The following PLEKHH2 variants were observed in gnomAD, a reference collection of about 807,000 sequenced individuals.
The protein encoded by PLEKHH2 is pleckstrin homology domain-containing family H member 2.
PLEKHH2 carries 129 observed loss-of-function variants against 187.9 expected under a neutral mutation model. The observed-to-expected ratio is 0.69, with a 90% confidence interval of 0.59 to 0.79. PLEKHH2 has a LOEUF of 0.79. Among genes scored for constraint, PLEKHH2 ranks in the 30% least tolerant of loss-of-function variants. The probability of loss-of-function intolerance (pLI) is 0.00; values close to 1 mark genes in which losing one functional copy is unlikely to be tolerated. For synonymous variants in PLEKHH2, 686 were observed against 605.6 expected (o/e 1.13, Z -1.95); for missense variants, 2,076 against 1,751.2 (o/e 1.19, Z -3.31).
chr2:43,745,506 TA>T (rs1333256018), intron 23 of PLEKHH2, among the ~76,000 whole-genome samples: 1 of 152,188 alleles, frequency 6.6e-6, no homozygotes, highest in Non-Finnish European at 1.5e-5. Context: ...TAACTTTAGT[TA>T]TTAAAATCTT....
intron 3 of PLEKHH2, chr2:43,681,131 G>A (rs537109734): frequency 8.4e-6 from 7 of 831,836 alleles, no homozygotes; most frequent in Non-Finnish European, 1.4e-5. Context: ...ACCAAGTCAA[G>A]GAGCCTCCTG....
intron 2 of PLEKHH2, among the ~76,000 whole-genome samples, chr2:43,655,670 A>G (rs1666717428): frequency 6.6e-6 from 1 of 152,204 alleles, no homozygotes; most frequent in Non-Finnish European, 1.5e-5. Flanking sequence ...ACATGATCAC[A>G]AAACGACCTA....
chr2:43,674,709 G>A (rs1170018752), intron 2 of PLEKHH2, among the ~76,000 whole-genome samples: 4 of 152,192 alleles, frequency 2.6e-5, no homozygotes, highest in African/African-American at 7.2e-5. Flanking sequence ...ATGGGGCTGC[G>A]TGTGGTGGGT....
At chr2:43,687,905 T>A (rs1668600487) in intron 3 of PLEKHH2, among the ~76,000 whole-genome samples, 1 of 152,156 alleles carries the variant, frequency 6.6e-6, no homozygotes, top group Admixed American at 6.5e-5. Flanking sequence ...CAAGTGATTC[T>A]CCCACTTCGG....
chr2:43,709,825 A>G (rs1432227389), intron 11 of PLEKHH2, among the ~76,000 whole-genome samples, 165 bp from the exon 12 acceptor site: 1 of 152,094 alleles, frequency 6.6e-6, no homozygotes, highest in Non-Finnish European at 1.5e-5. Context: ...ACAGAGCGAG[A>G]CTCTGTCTCA....
At chr2:43,692,689 C>A in intron 4 of PLEKHH2, 26 bp downstream of exon 4, 2 of 1,601,852 alleles carry the variant, frequency 1.2e-6, no homozygotes, top group East Asian at 2.2e-5. Context: ...ATAAAGAGTT[C>A]TAAGTGTGTG....
intron 15 of PLEKHH2, 91 bp from the exon 16 acceptor site, chr2:43,720,578 G>A (rs1670433827): frequency 9.7e-6 from 15 of 1,554,036 alleles, no homozygotes; most frequent in Non-Finnish European, 1.2e-5. Flanking sequence ...CAAACTGGAT[G>A]CCTATAGAAA....
chr2:43,700,140 A>G lies in PLEKHH2; in HGVS notation c.1182A>G (p.Arg394=), dbSNP rs750360829. ...TGAATAAAAAATTTCAATCCCAGAG[A>G]CTCGATTATTCATCTTCATCGAGTG... ...DELNKKFQSQ[R]LDYSSSSSEA... Residue 394 remains arginine, a synonymous_variant, in exon 8 of 30, where the codon AGA becomes AGG. Coordinates refer to ENST00000282406, the MANE Select transcript of PLEKHH2 (RefSeq NM_172069.4). 3 of 1,613,946 alleles carry G rather than the reference A, an allele frequency of 1.9e-6. No homozygotes were observed. In the African/African-American group the frequency reaches 4.0e-5, roughly 22 times the overall value.
chr2:43,645,078 A>G (rs1666122773), intron 2 of PLEKHH2, among the ~76,000 whole-genome samples: 1 of 152,134 alleles, frequency 6.6e-6, no homozygotes, highest in Non-Finnish European at 1.5e-5. Context: ...ATTTTATTAG[A>G]GGAGTATGAC....
At chr2:43,650,144 CTTTTTTTTTT>C (rs70965311) in intron 2 of PLEKHH2, among the ~76,000 whole-genome samples, 1 of 95,664 alleles carries the variant, frequency 1.0e-5, no homozygotes, top group South Asian at 3.6e-4. Context: ...TTTTTCTTTC[CTTTTTTTTTT>C]TTTTTTTTTT....
intron 2 of PLEKHH2, among the ~76,000 whole-genome samples, chr2:43,654,969 G>A (rs1666679819): frequency 6.6e-6 from 1 of 151,888 alleles, no homozygotes; most frequent in Non-Finnish European, 1.5e-5. Flanking sequence ...GGAGGTTGCA[G>A]TGAGCCAGCC....
intron 6 of PLEKHH2, among the ~76,000 whole-genome samples, chr2:43,696,577 ACCT>A (rs1268029084): frequency 6.6e-6 from 1 of 150,896 alleles, no homozygotes; most frequent in Non-Finnish European, 1.5e-5. Context: ...TTCTTTACTC[ACCT>A]CCTCTTTTTT....
chr2:43,708,716 GC>G (rs1282881827), intron 11 of PLEKHH2, among the ~76,000 whole-genome samples: 1 of 152,150 alleles, frequency 6.6e-6, no homozygotes, highest in East Asian at 1.9e-4. Context: ...TGGCACACTG[GC>G]CCTGGTCCTG....
chr2:43,723,054 A>G (rs1670561065), intron 16 of PLEKHH2, among the ~76,000 whole-genome samples: 1 of 152,206 alleles, frequency 6.6e-6, no homozygotes, highest in Admixed American at 6.5e-5. Context: ...GGCATGGTGC[A>G]TCCTTTGGTA....
At chr2:43,702,361 A>G (rs1558521405) in intron 8 of PLEKHH2, among the ~76,000 whole-genome samples, 1 of 152,154 alleles carries the variant, frequency 6.6e-6, no homozygotes, top group Non-Finnish European at 1.5e-5. Flanking sequence ...TAAATTTTGG[A>G]TAGCACAGGA....
chr2:43,666,564 C>T (rs1215564453), intron 2 of PLEKHH2, among the ~76,000 whole-genome samples: 1 of 152,204 alleles, frequency 6.6e-6, no homozygotes, highest in African/African-American at 2.4e-5. Flanking sequence ...TTTTGCATTC[C>T]TACCAGTAAT....
In PLEKHH2 at chr2:43,754,537, C is replaced by T. The variant is rs1459864969; in HGVS notation, c.3795+777C>T. Among the ~76,000 whole-genome samples the T allele has an allele frequency of 2.6e-5, 4 of 152,136 alleles. No homozygotes were observed. The East Asian group carries it at 7.7e-4, about 29-fold the overall frequency. ...CTTGCCTACTACCTACCAGGGAGTC[C>T]GGGGAATGTGGTCTCAGCGGGGTGG... On this transcript the variant is annotated intron_variant, in intron 25 of 29. Transcript: ENST00000282406.
intron 14 of PLEKHH2, chr2:43,711,922 C>A (rs1344507048): frequency 9.7e-6 from 10 of 1,031,984 alleles, no homozygotes; most frequent in South Asian, 5.7e-5. Context: ...AAAGTAGGAA[C>A]CTGTAACACA....
chr2:43,703,325 A>C lies in PLEKHH2; in HGVS notation c.1651-656A>C, dbSNP rs975021601. ...GTACCTGTTTCAGAGATTTTTCAGA[A>C]GAGAAGAGAAAACAAAATAATCTAC... is the stretch of plus-strand genomic sequence containing the variant. On this transcript the variant is annotated intron_variant, in intron 8 of 29. Coordinates refer to ENST00000282406, the MANE Select transcript of PLEKHH2 (RefSeq NM_172069.4). Among the ~76,000 whole-genome samples, 4 of 152,242 alleles carry C rather than the reference A, an allele frequency of 2.6e-5. 1 individual carries two copies. The highest frequency in any genetic ancestry group is 2.0e-4 in the Admixed American group (3 of 15,286).
Sources: gnomAD v4.1 joint callset for allele counts (sites outside exome capture counted in the v4.1 genomes callset) on GRCh38, gnomAD v4.1.1 for gene constraint, MANE v1.5 for transcripts, NCBI Gene and HGNC (gene_info 2026-07-23, HGNC 2026-07-21) for gene names.